RBFOX1: variants seen among roughly 807,000 people sequenced by gnomAD.
The protein encoded by RBFOX1 is RNA binding protein fox-1 homolog 1.
RBFOX1 carries 8 observed loss-of-function variants against 57.7 expected under a neutral mutation model. The observed-to-expected ratio is 0.14, with a 90% CI of 0.08 to 0.25. The LOEUF is 0.25. RBFOX1 is among the 10% of genes least tolerant of loss of function. The probability of loss-of-function intolerance (pLI) is 1.00; values close to 1 mark genes in which losing one functional copy is unlikely to be tolerated. For missense variants in RBFOX1, 611 were observed against 548.5 expected, an observed-to-expected ratio of 1.11 and a Z score of -1.14; for synonymous variants, 326 against 222.4, an observed-to-expected ratio of 1.47 and a Z score of -4.15.
At chr16:5,410,785 TTAAAATTCTTTCC>T (rs2151463178) in intron 1 of RBFOX1, among the ~76,000 whole-genome samples, 1 of 151,756 alleles carries the variant, frequency 6.6e-6, no homozygotes, top group Admixed American at 6.6e-5. Context: ...CTTTCTGACT[TTAAAATTCTTTCC>T]ACTGTTCAAA....
chr16:6,423,404 GC>G (rs2093830830), intron 2 of RBFOX1, among the ~76,000 whole-genome samples: 1 of 152,084 alleles, frequency 6.6e-6, no homozygotes, highest in Non-Finnish European at 1.5e-5. Context: ...TTTGGGACCA[GC>G]CTGGGCAACA....
At chr16:6,293,492 C>A (rs7199065) in intron 1 of RBFOX1, among the ~76,000 whole-genome samples, 9 of 152,034 alleles carry the variant, frequency 5.9e-5, no homozygotes, top group East Asian at 1.9e-4. Context: ...CTGCCAGGTC[C>A]TTGGATAAGC....
intron 2 of RBFOX1, among the ~76,000 whole-genome samples, chr16:6,486,079 A>G (rs72760961): frequency 0.18 from 22,372 of 125,304 alleles, 2,134 homozygotes; most frequent in Non-Finnish European, 0.19. Context: ...TCTCAGTAAA[A>G]GGCTTTTTTT....
At chr16:5,901,183 C>G (rs1486624323) in intron 4 of RBFOX1, among the ~76,000 whole-genome samples, 3 of 152,198 alleles carry the variant, frequency 2.0e-5, no homozygotes, top group Admixed American at 6.5e-5. Context: ...CTCAGCTTAC[C>G]ATTCCCTAAG....
intron 3 of RBFOX1, among the ~76,000 whole-genome samples, chr16:6,875,481 A>C (rs576398285): frequency 1.3e-5 from 2 of 152,202 alleles, no homozygotes; most frequent in South Asian, 2.1e-4. Flanking sequence ...GAATTTTTTG[A>C]ATCACCCTTA....
intron 3 of RBFOX1, among the ~76,000 whole-genome samples, chr16:5,714,050 C>T (rs2051594990): frequency 6.6e-6 from 1 of 152,148 alleles, no homozygotes; most frequent in Admixed American, 6.5e-5. Flanking sequence ...AAAATATGAG[C>T]CTATGCACTC....
intron 2 of RBFOX1, among the ~76,000 whole-genome samples, chr16:6,463,885 A>G (rs1229946616): frequency 2.0e-5 from 3 of 152,138 alleles, no homozygotes; most frequent in Middle Eastern, 3.4e-3. Flanking sequence ...ACCATGACCT[A>G]GGAGGTGTAA....
At chr16:5,338,082 G>A (rs536473043) in intron 1 of RBFOX1, among the ~76,000 whole-genome samples, 1 of 152,114 alleles carries the variant, frequency 6.6e-6, no homozygotes, top group Non-Finnish European at 1.5e-5. Context: ...TTTCTTCTAG[G>A]GATAGAGGGT....
chr16:6,883,093 A>G (rs1388532830), intron 3 of RBFOX1, among the ~76,000 whole-genome samples: 1 of 152,158 alleles, frequency 6.6e-6, no homozygotes, highest in Non-Finnish European at 1.5e-5. Context: ...TTAATGATGT[A>G]ATTAGTATGA....
At chr16:6,875,296 G>C (rs116588510) in intron 3 of RBFOX1, among the ~76,000 whole-genome samples, 56 of 152,266 alleles carry the variant, frequency 3.7e-4, no homozygotes, top group African/African-American at 1.3e-3. Context: ...AACTCGTTAT[G>C]GTGGGGGTGC....
intron 4 of RBFOX1, among the ~76,000 whole-genome samples, chr16:7,173,864 G>T (rs936396701): frequency 2.0e-5 from 3 of 152,104 alleles, no homozygotes; most frequent in African/African-American, 7.2e-5. Context: ...TAAGACACAC[G>T]TTAAATAACC....
At chr16:6,743,757 A>C in intron 3 of RBFOX1, among the ~76,000 whole-genome samples, 1 of 151,642 alleles carries the variant, frequency 6.6e-6, no homozygotes. Flanking sequence ...ACCCTGTCTC[A>C]AAAGGAAAGA....
At chr16:5,443,183 T>C (rs2068137199) in intron 1 of RBFOX1, among the ~76,000 whole-genome samples, 1 of 152,190 alleles carries the variant, frequency 6.6e-6, no homozygotes, top group African/African-American at 2.4e-5. Flanking sequence ...CATAACTTGT[T>C]GCAGTAGTCC....
chr16:6,280,253 T>C lies in RBFOX1; in HGVS notation c.-126-36742T>C, dbSNP rs576772366. Among the ~76,000 whole-genome samples the C allele has an allele frequency of 4.0e-3, 616 of 152,258 alleles. 6 individuals carry two copies. The highest frequency in any genetic ancestry group is 4.2e-3 in the Non-Finnish European group (284 of 68,020). ...GGCCTGAGTGGGATAAGCTGCATCG[T>C]CCCAGAATCCAAGGACAGCCGCCTC... is the stretch of plus-strand genomic sequence containing the variant. On this transcript the variant is annotated intron_variant, in intron 1 of 15. Transcript: ENST00000550418.
chr16:5,386,431 G>T (rs74689979), intron 1 of RBFOX1, among the ~76,000 whole-genome samples: 85 of 151,964 alleles, frequency 5.6e-4, no homozygotes, highest in African/African-American at 2.0e-3. Context: ...CACGCAAGAG[G>T]GCTGTTCCTA....
intron 1 of RBFOX1, among the ~76,000 whole-genome samples, chr16:5,402,885 A>G (rs1451159283): frequency 1.3e-5 from 2 of 152,200 alleles, no homozygotes; most frequent in Non-Finnish European, 1.5e-5. Flanking sequence ...ATACTAGTAA[A>G]CAAGAGAGAT....
intron 3 of RBFOX1, among the ~76,000 whole-genome samples, chr16:6,840,098 C>T (rs892828091): frequency 6.6e-6 from 1 of 152,126 alleles, no homozygotes; most frequent in Non-Finnish European, 1.5e-5. Context: ...ATCAGTACTA[C>T]TGAATTGACT....
At chr16:5,524,657 C>T (rs2044167356) in intron 2 of RBFOX1, among the ~76,000 whole-genome samples, 1 of 151,772 alleles carries the variant, frequency 6.6e-6, no homozygotes, top group African/African-American at 2.4e-5. Flanking sequence ...CCTCCTGCCT[C>T]AGCCTTCCAA....
At chr16:7,674,571 A>ATAAT (rs763572935) in intron 13 of RBFOX1, among the ~76,000 whole-genome samples, 36 of 152,184 alleles carry the variant, frequency 2.4e-4, no homozygotes, top group Non-Finnish European at 4.4e-4. Context: ...AAATTTCTAG[A>ATAAT]TAATAAAGTC....
Sources: allele counts gnomAD v4.1 joint callset (sites outside exome capture counted in the v4.1 genomes callset), GRCh38; gene constraint gnomAD v4.1.1; transcripts MANE v1.5; gene names NCBI Gene and HGNC (gene_info 2026-07-23, HGNC 2026-07-21).